Variants in ARHGEF12 observed in about 807,000 individuals in gnomAD.
ARHGEF12 encodes the protein Rho guanine nucleotide exchange factor 12.
In ARHGEF12, 66 loss-of-function variants were observed where a neutral mutation model predicts 211.2. The observed-to-expected ratio is 0.31, with a 90% CI of 0.26 to 0.38. The LOEUF is 0.38. ARHGEF12 is among the 10% of genes least tolerant of loss of function. ARHGEF12 has a pLI of 1.00. For synonymous variants in ARHGEF12, 592 were observed against 638.4 expected, an observed-to-expected ratio of 0.93 and a Z score of 1.09; for missense variants, 1,429 against 1,869.5, an observed-to-expected ratio of 0.76 and a Z score of 4.34.
chr11:120,442,014 G>C, intron 14 of ARHGEF12, 90 bp from the exon 15 acceptor site: 1 of 961,888 alleles, frequency 1.0e-6, no homozygotes, highest in Non-Finnish European at 1.6e-6. Flanking sequence ...TGACCTACCT[G>C]TTCCAGACAT....
At chr11:120,384,991 C>T (rs1432629934) in intron 1 of ARHGEF12, among the ~76,000 whole-genome samples, 1 of 151,422 alleles carries the variant, frequency 6.6e-6, no homozygotes, top group Non-Finnish European at 1.5e-5. Context: ...TTTTTTGGCA[C>T]TGTATTTGGG....
intron 1 of ARHGEF12, among the ~76,000 whole-genome samples, chr11:120,373,033 A>T (rs1711761886): frequency 6.6e-6 from 1 of 152,106 alleles, no homozygotes; most frequent in Admixed American, 6.5e-5. Flanking sequence ...ATTTTTTCTT[A>T]GAAGTAATTT....
intron 1 of ARHGEF12, among the ~76,000 whole-genome samples, chr11:120,352,416 T>A (rs148135536): frequency 6.6e-6 from 1 of 152,184 alleles, no homozygotes; most frequent in Non-Finnish European, 1.5e-5. Context: ...GCATAAATGA[T>A]GTAAGTAAGT....
chr11:120,407,205 G>GTAA (rs1042349949), intron 2 of ARHGEF12, among the ~76,000 whole-genome samples: 2 of 152,108 alleles, frequency 1.3e-5, no homozygotes, highest in Non-Finnish European at 2.9e-5. Context: ...AGCCATAGAA[G>GTAA]TAATAATAAT....
intron 1 of ARHGEF12, among the ~76,000 whole-genome samples, chr11:120,363,649 A>C (rs1943340525): frequency 6.6e-6 from 1 of 152,244 alleles, no homozygotes; most frequent in African/African-American, 2.4e-5. Context: ...ACAATTGCTA[A>C]CCAGCAAGAT....
intron 1 of ARHGEF12, among the ~76,000 whole-genome samples, chr11:120,342,148 C>A (rs887224797): frequency 2.6e-5 from 4 of 151,960 alleles, no homozygotes; most frequent in African/African-American, 9.7e-5. Context: ...AAATTATTGT[C>A]TTTCTTTGTA....
At chr11:120,408,016 T>G in intron 3 of ARHGEF12, 193 bp downstream of exon 3, 8 of 476,384 alleles carry the variant, frequency 1.7e-5, no homozygotes, top group Non-Finnish European at 1.1e-5. Context: ...ACACTGTACA[T>G]TCCACTACAG....
chr11:120,413,341 C>T (rs1203631281), intron 4 of ARHGEF12, among the ~76,000 whole-genome samples: 1 of 152,166 alleles, frequency 6.6e-6, no homozygotes, highest in Non-Finnish European at 1.5e-5. Context: ...TGAATGTTGA[C>T]ATCTGTTTTG....
intron 1 of ARHGEF12, among the ~76,000 whole-genome samples, chr11:120,356,035 T>C (rs965552528): frequency 2.4e-4 from 36 of 152,198 alleles, no homozygotes; most frequent in African/African-American, 8.4e-4. Context: ...TATGGAAAAA[T>C]GGCCTAATCC....
At position 120,488,623 on chromosome 11, in the gene ARHGEF12, A is replaced by G. The variant is rs1222164042; in HGVS notation, c.*3546A>G. 1 of 220,366 alleles carries G rather than the reference A, an allele frequency of 4.5e-6. No homozygotes were observed. Among genetic ancestry groups the G allele is most frequent in the African/African-American group, 2.2e-5 (1 of 44,628 alleles). 13.7% of individuals were successfully genotyped at this position (220,366 alleles called of 1,614,324 possible). On this transcript the variant is annotated 3_prime_UTR_variant, in exon 41 of 41. Transcript: ENST00000397843. ...CTCCTAGAAGGAAGCCTTCCCCACC[A>G]TTTCCAGGTGCCAACTGCTAAGCAG...
At chr11:120,417,505 ATTTTTTT>A (rs34950022) in intron 4 of ARHGEF12, among the ~76,000 whole-genome samples, 1 of 130,982 alleles carries the variant, frequency 7.6e-6, no homozygotes, top group African/African-American at 2.9e-5. Context: ...TAGTCTAATA[ATTTTTTT>A]TTTTTTTTTT....
At chr11:120,423,755 A>G (rs1303854440) in intron 6 of ARHGEF12, among the ~76,000 whole-genome samples, 3 of 152,094 alleles carry the variant, frequency 2.0e-5, no homozygotes, top group Admixed American at 2.0e-4. Flanking sequence ...TCTGTTTTTT[A>G]CACTGATATA....
At chr11:120,449,340 T>A (rs990816529) in intron 21 of ARHGEF12, 126 bp downstream of exon 21, 22 of 718,782 alleles carry the variant, frequency 3.1e-5, no homozygotes, top group Non-Finnish European at 5.1e-5. Context: ...ATTCCCAATA[T>A]GCCTTGTTTC....
intron 1 of ARHGEF12, among the ~76,000 whole-genome samples, chr11:120,387,950 A>G (rs1031985961): frequency 2.0e-5 from 3 of 152,200 alleles, no homozygotes; most frequent in African/African-American, 7.2e-5. Flanking sequence ...TAATTGGTGT[A>G]TAATAAACTG....
At chr11:120,476,468 A>G in intron 33 of ARHGEF12, 193 bp from the exon 34 acceptor site, 1 of 417,266 alleles carries the variant, frequency 2.4e-6, no homozygotes, top group Non-Finnish European at 4.3e-6. Context: ...ATTGAAGTAC[A>G]ATAAATATAG....
intron 1 of ARHGEF12, among the ~76,000 whole-genome samples, chr11:120,387,939 G>A (rs1354323872): frequency 6.6e-6 from 1 of 152,124 alleles, no homozygotes; most frequent in Non-Finnish European, 1.5e-5. Flanking sequence ...TTATTGAAAT[G>A]TAATTGGTGT....
intron 4 of ARHGEF12, among the ~76,000 whole-genome samples, chr11:120,414,379 T>C (rs1231247908): frequency 6.6e-6 from 1 of 152,218 alleles, no homozygotes; most frequent in East Asian, 1.9e-4. Flanking sequence ...CTACTTTGCA[T>C]AGTCTTCAAG....
At position 120,478,330 on chromosome 11, in the gene ARHGEF12, T is replaced by A. The variant is rs771016361; in HGVS notation, c.3707T>A (p.Ile1236Asn). The change falls in exon 37 of 41, where the codon ATC becomes AAC. Residue 1236 changes from isoleucine to asparagine, a missense_variant. Physicochemically the swap from Ile to Asn is moderately radical, Grantham distance 149. Around this residue, in one of 7 missense-constraint regions of ARHGEF12, gnomAD observed 467 missense variants for 468.4 expected, o/e 1.00. Coordinates refer to ENST00000397843, the MANE Select transcript of ARHGEF12 (RefSeq NM_015313.3). ...KEVGEDYQIAIPDSHLPVSEE... is the reference protein window; with the variant it reads ...KEVGEDYQIANPDSHLPVSEE... ...GTTGGAGAAGATTATCAAATCGCAA[T>A]CCCAGATTCACACCTGCCTGTCTCA... 2.2e-5 allele frequency: 35 copies of A among 1,614,056 alleles called. No homozygotes were observed. The highest frequency in any genetic ancestry group is 1.3e-4 in the Admixed American group (8 of 59,998).
At chr11:120,456,145 C>T (rs1057483096) in intron 22 of ARHGEF12, among the ~76,000 whole-genome samples, 3 of 152,082 alleles carry the variant, frequency 2.0e-5, no homozygotes, top group African/African-American at 7.2e-5. Context: ...TTTAGAATAA[C>T]CCTACCAGGC....
Sources: gnomAD v4.1 joint callset for allele counts (sites outside exome capture counted in the v4.1 genomes callset) on GRCh38, gnomAD v4.1.1 for gene constraint, gnomAD v4.1.1 regional missense constraint, MANE v1.5 for transcripts, NCBI Gene and HGNC (gene_info 2026-07-23, HGNC 2026-07-21) for gene names.